Variants in ARFGEF2 observed in about 807,000 individuals in gnomAD.
ARFGEF2 encodes the protein ARF guanine nucleotide exchange factor 2.
In ARFGEF2, 74 loss-of-function variants were observed where a neutral mutation model predicts 219.9. The observed-to-expected ratio is 0.34, with a 90% CI of 0.28 to 0.41. The LOEUF (loss-of-function observed/expected upper bound fraction) is 0.41. ARFGEF2 is among the 10% of genes least tolerant of loss of function. ARFGEF2 has a pLI of 1.00. For missense variants in ARFGEF2, 1,743 were observed against 2,218.3 expected, an observed-to-expected ratio of 0.79 and a Z score of 4.30; for synonymous variants, 733 against 799.2, an observed-to-expected ratio of 0.92 and a Z score of 1.40.
chr20:48,996,596 T>G (rs1424708239), intron 23 of ARFGEF2, among the ~76,000 whole-genome samples: 1 of 151,354 alleles, frequency 6.6e-6, no homozygotes. Flanking sequence ...AAAAAGAAAT[T>G]AACTGGGCAT....
Position 49,033,119 on chromosome 20 carries a change from C to T in ARFGEF2, c.5278C>T (p.Leu1760=), listed in dbSNP as rs1238054959. ...ELRAVLRKFF[L]RIGVVYKIWI... ...CCGAGCAGTTCTGCGGAAGTTCTTC[C>T]TACGGATAGGTGTTGTGTATAAGAT... Residue 1760 remains leucine, a synonymous_variant, in exon 39 of 39, where the codon CTA becomes TTA. Coordinates refer to ENST00000371917, the MANE Select transcript of ARFGEF2 (RefSeq NM_006420.3). 3 of 1,614,188 alleles carry T rather than the reference C, an allele frequency of 1.9e-6. No individual in the cohort carries two copies. The highest frequency in any genetic ancestry group is 2.2e-5 in the South Asian group (2 of 91,088).
intron 7 of ARFGEF2, 23 bp downstream of exon 7, chr20:48,963,921 C>T (rs200020825): frequency 6.2e-7 from 1 of 1,610,838 alleles, no homozygotes; most frequent in African/African-American, 1.3e-5. Flanking sequence ...GACAACCCAG[C>T]CTTTCCTCTT....
Position 49,000,092 on chromosome 20 carries a change from A to G in ARFGEF2, c.3432+1587A>G, listed in dbSNP as rs77820318. On this transcript the variant is annotated intron_variant, in intron 25 of 38. Coordinates refer to ENST00000371917, the MANE Select transcript of ARFGEF2 (RefSeq NM_006420.3). ...CAGCCAATTTAAAGTTAGCAATATG[A>G]TGTAACTAGGGAAGAGATGGGCACC... 8.3e-3 allele frequency among the ~76,000 whole-genome samples: 1,262 copies of G among 152,298 alleles called. 17 individuals are homozygous for G. Among genetic ancestry groups the G allele is most frequent in the African/African-American group, 0.029 (1,191 of 41,558 alleles).
chr20:49,001,182 C>G (rs982506325), intron 25 of ARFGEF2, among the ~76,000 whole-genome samples: 1 of 149,718 alleles, frequency 6.7e-6, no homozygotes, highest in Non-Finnish European at 1.5e-5. Flanking sequence ...TGGGACTACA[C>G]ACATGCATCA....
intron 6 of ARFGEF2, among the ~76,000 whole-genome samples, chr20:48,961,110 A>AATAATAATAATAATAATT (rs1486477179): frequency 6.7e-6 from 1 of 148,836 alleles, no homozygotes; most frequent in Non-Finnish European, 1.5e-5. Context: ...TAATAATAAT[A>AATAATAATAATAATAATT]ATTTTCTTTA....
At chr20:48,950,871 C>T (rs1200012115) in intron 3 of ARFGEF2, among the ~76,000 whole-genome samples, 1 of 142,094 alleles carries the variant, frequency 7.0e-6, no homozygotes, top group Non-Finnish European at 1.5e-5. Context: ...TGCACACACA[C>T]ACACACACAC....
At chr20:48,940,413 A>C (rs1038989857) in intron 1 of ARFGEF2, among the ~76,000 whole-genome samples, 31 of 152,310 alleles carry the variant, frequency 2.0e-4, no homozygotes, top group African/African-American at 7.2e-4. Context: ...AAAAAGAAAA[A>C]ATCATCATCC....
At position 49,017,529 on chromosome 20, in the gene ARFGEF2, A is replaced by T. The variant is rs749129958; in HGVS notation, c.4488A>T (p.Glu1496Asp). The T allele has an allele frequency of 6.2e-7, 1 of 1,614,040 alleles. No individual in the cohort carries two copies. The highest frequency in any genetic ancestry group is 1.1e-5 in the South Asian group (1 of 91,056). ...CATGGAGACCTGTAGGAATGGAGGAAGATTCATCAGAAAAGCATTTGGTAG... is the reference window on the plus strand; with the variant it reads ...CATGGAGACCTGTAGGAATGGAGGATGATTCATCAGAAAAGCATTTGGTAG... ...LLTWRPVGME[E>D]DSSEKHLDVD... Residue 1496 changes from glutamate to aspartate, a missense_variant, in exon 33 of 39, where the codon GAA becomes GAT. This residue lies in a region of ARFGEF2 where 578 missense variants were observed against 664.0 expected (regional missense o/e 0.87). Coordinates refer to ENST00000371917, the MANE Select transcript of ARFGEF2 (RefSeq NM_006420.3).
At position 48,998,519 on chromosome 20, in the gene ARFGEF2, T is replaced by C; in HGVS notation, c.3432+14T>C. The stretch of plus-strand genomic sequence containing the variant: ...CACTTCAATAAGGTAACTCTTCAAA[T>C]TTAAAAACCATTCCTGTTAAAAAAA... On this transcript the variant is annotated intron_variant, in intron 25 of 38. Coordinates refer to ENST00000371917, the MANE Select transcript of ARFGEF2 (RefSeq NM_006420.3). 1.2e-6 allele frequency: 2 copies of C among 1,602,964 alleles called. No individual in the cohort carries two copies. The highest frequency in any genetic ancestry group is 1.7e-6 in the Non-Finnish European group (2 of 1,177,614).
At chr20:48,991,315 A>T (rs1465035085) in intron 21 of ARFGEF2, 117 bp downstream of exon 21, 1 of 1,420,080 alleles carries the variant, frequency 7.0e-7, no homozygotes, top group East Asian at 2.3e-5. Flanking sequence ...ACTGTACCTC[A>T]TGTATCTGGA....
chr20:48,949,096 T>A (rs2091049144), intron 3 of ARFGEF2, among the ~76,000 whole-genome samples: 1 of 152,200 alleles, frequency 6.6e-6, no homozygotes, highest in Non-Finnish European at 1.5e-5. Flanking sequence ...AACTCTCCTT[T>A]CTCCTGGCCT....
chr20:48,948,665 G>A lies in ARFGEF2; in HGVS notation c.277-2658G>A, dbSNP rs532267511. ...CCTATTCTGTACCAAGAAACCAACC[G>A]CATAGCATTTTCCTTCATGCAGTGA... On this transcript the variant is annotated intron_variant, in intron 3 of 38. Coordinates refer to ENST00000371917, the MANE Select transcript of ARFGEF2 (RefSeq NM_006420.3). 1.8e-4 allele frequency among the ~76,000 whole-genome samples: 28 copies of A among 152,288 alleles called. 1 individual carries two copies. The highest frequency in any genetic ancestry group is 1.2e-3 in the Admixed American group (18 of 15,298).
At chr20:48,989,764 A>C in intron 20 of ARFGEF2, 80 bp downstream of exon 20, 3 of 1,597,692 alleles carry the variant, frequency 1.9e-6, no homozygotes, top group Non-Finnish European at 2.6e-6. Flanking sequence ...AAATTATCAG[A>C]AATTTTCAGT....
intron 14 of ARFGEF2, among the ~76,000 whole-genome samples, chr20:48,981,652 C>T (rs945045556): frequency 2.6e-5 from 4 of 152,138 alleles, no homozygotes; most frequent in Non-Finnish European, 1.5e-5. Context: ...TCACATAGTC[C>T]CATATTTCTT....
chr20:48,980,364 T>A (rs553950640), intron 14 of ARFGEF2, among the ~76,000 whole-genome samples: 4 of 152,360 alleles, frequency 2.6e-5, no homozygotes, highest in Admixed American at 1.3e-4. Flanking sequence ...TTGTGATTTC[T>A]GTTCTTTTGC....
In ARFGEF2 at chr20:49,032,156, A is replaced by G. The variant is rs1341147831; in HGVS notation, c.5171A>G (p.Asn1724Ser). The change falls in exon 38 of 39, where the codon AAT (asparagine) becomes AGT (serine). Residue 1724 changes from asparagine (N) to serine (S), a missense_variant. Transcript: ENST00000371917. ...LLLLTKTLKI[N>S]DEKFKAHASM... ...CTTCTAACTAAAACCCTCAAAATAA[A>G]TGATGAAAAGGTATGAACAAGTAAA... The G allele has an allele frequency of 6.2e-7, 1 of 1,611,900 alleles. No individual in the cohort carries two copies. Among genetic ancestry groups the G allele is most frequent in the Non-Finnish European group, 8.5e-7 (1 of 1,178,146 alleles).
chr20:48,935,257 T>C (rs2090940549), intron 1 of ARFGEF2, among the ~76,000 whole-genome samples: 1 of 152,160 alleles, frequency 6.6e-6, no homozygotes, highest in Non-Finnish European at 1.5e-5. Flanking sequence ...GCAGTGTTTG[T>C]GTCCCTGGGT....
At chr20:49,003,606 A>AAAAAT (rs138515579) in intron 25 of ARFGEF2, among the ~76,000 whole-genome samples, 156 of 151,990 alleles carry the variant, frequency 1.0e-3, no homozygotes, top group South Asian at 3.9e-3. Context: ...CTCCGTCTCA[A>AAAAAT]AAAATAAAAT....
At chr20:48,980,524 T>C (rs182765082) in intron 14 of ARFGEF2, among the ~76,000 whole-genome samples, 1 of 152,316 alleles carries the variant, frequency 6.6e-6, no homozygotes, top group African/African-American at 2.4e-5. Context: ...TGAGTTCAAG[T>C]TGTGGATATC....
Sources: gnomAD v4.1 joint callset for allele counts (sites outside exome capture counted in the v4.1 genomes callset) on GRCh38, gnomAD v4.1.1 for gene constraint, gnomAD v4.1.1 regional missense constraint, MANE v1.5 for transcripts, NCBI Gene and HGNC (gene_info 2026-07-23, HGNC 2026-07-21) for gene names.